Variants in LSM1 observed in about 807,000 individuals in gnomAD.
LSM1 encodes the protein LSM1 homolog, mRNA degradation associated.
A neutral mutation model predicts 18.0 loss-of-function variants in LSM1; 13 were observed. That is an observed-to-expected ratio of 0.72 (90% CI 0.47 to 1.15). LSM1 has a LOEUF of 1.15. Ranked by LOEUF, LSM1 falls within the 50% of genes most tolerant of loss-of-function variation. LSM1 has a pLI of 0.00. For synonymous variants in LSM1, 46 were observed against 56.0 expected, an observed-to-expected ratio of 0.82 and a Z score of 0.80; for missense variants, 152 against 157.7, an observed-to-expected ratio of 0.96 and a Z score of 0.19.
intron 3 of LSM1, chr8:38,166,157 C>T (rs1802925790): frequency 6.6e-6 from 1 of 152,226 alleles, no homozygotes. Context: ...TGCTCTGTTG[C>T]CCAGGGTGGA....
intron 3 of LSM1, among the ~76,000 whole-genome samples, chr8:38,165,301 G>A (rs915045715): frequency 2.6e-5 from 4 of 151,490 alleles, no homozygotes; most frequent in East Asian, 3.9e-4. Context: ...TGCAGTGAGC[G>A]GAGATCACGC....
intron 3 of LSM1, among the ~76,000 whole-genome samples, chr8:38,167,383 C>T (rs1452174650): frequency 6.6e-6 from 1 of 152,108 alleles, no homozygotes; most frequent in Non-Finnish European, 1.5e-5. Flanking sequence ...GCTCTGTTAC[C>T]CAGGTTGGAG....
At chr8:38,170,191 C>A (rs184538854) in intron 2 of LSM1, among the ~76,000 whole-genome samples, 193 of 152,302 alleles carry the variant, frequency 1.3e-3, no homozygotes, top group African/African-American at 4.4e-3. Flanking sequence ...CAGGTGCCTG[C>A]CACCACTCCC....
intron 2 of LSM1, among the ~76,000 whole-genome samples, chr8:38,171,435 G>A (rs905765864): frequency 6.6e-6 from 1 of 152,190 alleles, no homozygotes. Flanking sequence ...AGCTCAGCTG[G>A]GTGGGTGGAT....
chr8:38,170,548 C>G (rs992766802), intron 2 of LSM1, among the ~76,000 whole-genome samples: 2 of 151,798 alleles, frequency 1.3e-5, no homozygotes, highest in African/African-American at 4.8e-5. Flanking sequence ...ACTTGGAAAA[C>G]TTGGGCCTAA....
rs181287330 is a variant in LSM1 at position 38,171,001 on chromosome 8, A to C, written c.115+964T>G. ...CAGATATCCAATAAATGTTAGCATG[A>C]ACATGAAGTTCCTTGAAACAGAAGG... On this transcript the variant is annotated intron_variant, in intron 2 of 3. Transcript: ENST00000311351. 6.6e-5 allele frequency: 29 copies of C among 440,086 alleles called. No homozygotes were observed. The Middle Eastern group carries it at 1.0e-3, about 16-fold the overall frequency. 27.3% of individuals were successfully genotyped at this position (440,086 alleles called of 1,614,324 possible). A position where few individuals can be genotyped will look rare whatever the true frequency, so the allele number is the denominator to read the frequency against.
chr8:38,171,119 CTTA>C, intron 2 of LSM1: 1 of 274,668 alleles, frequency 3.6e-6, no homozygotes, highest in South Asian at 3.1e-5. Context: ...AAGTATTAAG[CTTA>C]ATGTTGGGGT....
intron 3 of LSM1, among the ~76,000 whole-genome samples, chr8:38,169,266 AC>A (rs979381643): frequency 1.3e-5 from 2 of 152,140 alleles, no homozygotes; most frequent in African/African-American, 4.8e-5. Context: ...ATCTGATTTA[AC>A]CTTTCACCTG....
intron 3 of LSM1, among the ~76,000 whole-genome samples, chr8:38,168,472 T>C (rs1245400121): frequency 6.6e-6 from 1 of 150,816 alleles, no homozygotes; most frequent in African/African-American, 2.4e-5. Context: ...GCACCTGTAA[T>C]CCCAGCTACT....
intron 3 of LSM1, among the ~76,000 whole-genome samples, chr8:38,167,910 C>T (rs1266911150): frequency 1.3e-5 from 2 of 151,550 alleles, no homozygotes; most frequent in Non-Finnish European, 2.9e-5. Context: ...TGGCAGACTA[C>T]TTTACAGTCA....
intron 2 of LSM1, among the ~76,000 whole-genome samples, chr8:38,170,553 G>A (rs1803009445): frequency 6.6e-6 from 1 of 152,042 alleles, no homozygotes; most frequent in Non-Finnish European, 1.5e-5. Context: ...GAAAACTTGG[G>A]CCTAAACAAC....
chr8:38,169,715 AT>A, intron 3 of LSM1, 86 bp downstream of exon 3: 1 of 740,606 alleles, frequency 1.4e-6, no homozygotes, highest in Non-Finnish European at 2.3e-6. Flanking sequence ...TGTGGAGAAT[AT>A]TTTTATTCTC....
chr8:38,174,624 A>T (rs1585643567), intron 1 of LSM1, among the ~76,000 whole-genome samples: 1 of 152,194 alleles, frequency 6.6e-6, no homozygotes, highest in Admixed American at 6.5e-5. Context: ...CGAGCAACTA[A>T]AACATCCTGT....
At chr8:38,173,719 A>G (rs968802308) in intron 1 of LSM1, among the ~76,000 whole-genome samples, 1 of 152,218 alleles carries the variant, frequency 6.6e-6, no homozygotes, top group Non-Finnish European at 1.5e-5. Flanking sequence ...TTGTGATTCT[A>G]AAGTGCTATC....
intron 3 of LSM1, 42 bp from the exon 4 acceptor site, chr8:38,163,882 G>A: frequency 1.3e-6 from 2 of 1,573,128 alleles, no homozygotes; most frequent in Non-Finnish European, 1.7e-6. Context: ...TGAAGACCAA[G>A]AATAGAAAGC....
In LSM1 at chr8:38,172,043, G is replaced by C; in HGVS notation, c.47-10C>G. On this transcript the variant is annotated splice_polypyrimidine_tract_variant and intron_variant, in intron 1 of 3. Transcript: ENST00000311351. Reference sequence around the variant, plus strand: ...AGAACCAAGTGCTTTTCTGGGGAGAGAGGAAAAAATCTTTTAAATGAAAAC... The same window carrying C: ...AGAACCAAGTGCTTTTCTGGGGAGACAGGAAAAAATCTTTTAAATGAAAAC... 6.3e-7 allele frequency: 1 copy of C among 1,599,442 alleles called. No homozygotes were observed. Among genetic ancestry groups the C allele is most frequent in the Non-Finnish European group, 8.5e-7 (1 of 1,171,708 alleles).
Position 38,163,810 on chromosome 8 carries a change from G to T in LSM1, c.262C>A (p.Gln88Lys), listed in dbSNP as rs775307737. The T allele has an allele frequency of 1.9e-6, 3 of 1,614,160 alleles. No individual in the cohort carries two copies. Among genetic ancestry groups the T allele is most frequent in the Non-Finnish European group, 2.5e-6 (3 of 1,180,018 alleles). ...DLEKESDTPL[Q>K]QVSIEEILEE... Reference sequence around the variant, plus strand: ...AGAATTTCTTCAATGGATACTTGCTGGAGGGGTGTGTCACTCTCCTTTTCC... The same window carrying T: ...AGAATTTCTTCAATGGATACTTGCTTGAGGGGTGTGTCACTCTCCTTTTCC... Residue 88 changes from glutamine to lysine, a missense_variant, in exon 4 of 4, where the codon CAG becomes AAG. Coordinates refer to ENST00000311351, the MANE Select transcript of LSM1 (RefSeq NM_014462.3).
chr8:38,176,398 G>C lies in LSM1; in HGVS notation c.-78C>G, dbSNP rs1398205836. ...AAACCTCTTCCCTCCTACCGCAGTCGCCGCCTCGGTGGGACCAAGCCCGGA... is the reference window on the plus strand; with the variant it reads ...AAACCTCTTCCCTCCTACCGCAGTCCCCGCCTCGGTGGGACCAAGCCCGGA... On this transcript the variant is annotated 5_prime_UTR_variant, in exon 1 of 4. Transcript: ENST00000311351. 3 of 1,203,328 alleles carry C rather than the reference G, an allele frequency of 2.5e-6. No homozygotes were observed. Among genetic ancestry groups the C allele is most frequent in the Non-Finnish European group, 3.6e-6 (3 of 834,246 alleles). 74.5% of individuals were successfully genotyped at this position (1,203,328 alleles called of 1,614,324 possible).
intron 3 of LSM1, among the ~76,000 whole-genome samples, chr8:38,165,746 T>C (rs898384056): frequency 2.0e-5 from 3 of 149,904 alleles, no homozygotes; most frequent in Non-Finnish European, 4.4e-5. Context: ...CTGGGCGTGG[T>C]AACGTGTACC....
Sources: allele counts gnomAD v4.1 joint callset (sites outside exome capture counted in the v4.1 genomes callset), GRCh38; gene constraint gnomAD v4.1.1; transcripts MANE v1.5; gene names NCBI Gene and HGNC (gene_info 2026-07-23, HGNC 2026-07-21).